The following CSMD1 variants were observed in gnomAD, a reference collection of about 807,000 sequenced individuals.
CSMD1 encodes the protein CUB and Sushi multiple domains 1.
A neutral mutation model predicts 417.5 loss-of-function variants in CSMD1; 213 were observed. The observed-to-expected ratio is 0.51, with a 90% confidence interval of 0.46 to 0.57. CSMD1 has a LOEUF of 0.57. CSMD1 is among the 20% of genes least tolerant of loss of function. CSMD1 has a pLI of 0.00. For missense variants in CSMD1, 6,923 were observed against 4,529.7 expected (o/e 1.53, Z -15.17); for synonymous variants, 2,862 against 1,736.8 (o/e 1.65, Z -16.11).
chr8:3,314,128 G>A (rs942225295), intron 23 of CSMD1, among the ~76,000 whole-genome samples: 6 of 151,930 alleles, frequency 3.9e-5, no homozygotes, highest in African/African-American at 1.5e-4. Context: ...TGTGGGGTGG[G>A]GGGAGTGGGG....
intron 5 of CSMD1, among the ~76,000 whole-genome samples, chr8:3,995,915 G>C (rs1204666682): frequency 3.9e-5 from 6 of 152,160 alleles, no homozygotes; most frequent in Non-Finnish European, 8.8e-5. Context: ...CAAATACAGA[G>C]AGAGATTCCA....
intron 1 of CSMD1, among the ~76,000 whole-genome samples, chr8:4,655,808 C>T (rs1287177744): frequency 6.6e-6 from 1 of 152,080 alleles, no homozygotes; most frequent in African/African-American, 2.4e-5. Context: ...CAAAGACCTC[C>T]AACAACAAAA....
At chr8:3,713,007 C>T (rs1239950305) in intron 6 of CSMD1, among the ~76,000 whole-genome samples, 2 of 151,802 alleles carry the variant, frequency 1.3e-5, no homozygotes, top group East Asian at 1.9e-4. Context: ...TTTCTCATCG[C>T]AAACCAAGAA....
chr8:3,786,503 G>C (rs1415630080), intron 5 of CSMD1, among the ~76,000 whole-genome samples: 1 of 152,170 alleles, frequency 6.6e-6, no homozygotes, highest in African/African-American at 2.4e-5. Flanking sequence ...AGACAACCTA[G>C]GAGTGGGTGA....
At chr8:4,120,531 C>CTATA (rs376973573) in intron 3 of CSMD1, among the ~76,000 whole-genome samples, 192 of 152,294 alleles carry the variant, frequency 1.3e-3, no homozygotes, top group African/African-American at 4.5e-3. Flanking sequence ...TATTTGGCAT[C>CTATA]TTCTGGCGAT....
chr8:4,320,222 A>C (rs1313301517), intron 3 of CSMD1, among the ~76,000 whole-genome samples: 1 of 152,328 alleles, frequency 6.6e-6, no homozygotes, highest in African/African-American at 2.4e-5. Flanking sequence ...CATCTAAGCA[A>C]AAATTACCAG....
intron 1 of CSMD1, among the ~76,000 whole-genome samples, chr8:4,882,592 A>G (rs1285127250): frequency 1.4e-4 from 21 of 151,930 alleles, no homozygotes; most frequent in Non-Finnish European, 2.9e-5. Context: ...AACCCCAAGC[A>G]TAGAGAAAGA....
chr8:3,274,030 T>A (rs1213555131), intron 26 of CSMD1, among the ~76,000 whole-genome samples: 2 of 151,790 alleles, frequency 1.3e-5, no homozygotes, highest in African/African-American at 4.8e-5. Flanking sequence ...AGGGTGTCAA[T>A]TTTGGATCTT....
intron 25 of CSMD1, among the ~76,000 whole-genome samples, chr8:3,285,856 AAATTTT>A (rs1803113587): frequency 6.6e-6 from 1 of 151,642 alleles, no homozygotes; most frequent in African/African-American, 2.4e-5. Flanking sequence ...ATTATACTTT[AAATTTT>A]AAGGTAAATG....
chr8:4,505,305 G>T (rs1377126787), intron 2 of CSMD1, among the ~76,000 whole-genome samples: 1 of 152,028 alleles, frequency 6.6e-6, no homozygotes, highest in Non-Finnish European at 1.5e-5. Flanking sequence ...CACCAACGAG[G>T]TAAAAGAGAA....
At chr8:3,858,423 G>C (rs1486519718) in intron 5 of CSMD1, among the ~76,000 whole-genome samples, 1 of 152,070 alleles carries the variant, frequency 6.6e-6, no homozygotes, top group African/African-American at 2.4e-5. Context: ...TTTTAAATCA[G>C]TTTTTAATCT....
At chr8:3,954,947 T>A (rs942345041) in intron 5 of CSMD1, among the ~76,000 whole-genome samples, 58 of 152,332 alleles carry the variant, frequency 3.8e-4, no homozygotes, top group African/African-American at 1.3e-3. Context: ...CAGAAAGTTG[T>A]TTCTCCCTGG....
intron 2 of CSMD1, among the ~76,000 whole-genome samples, chr8:4,594,395 T>A (rs770728740): frequency 1.1e-4 from 16 of 151,872 alleles, no homozygotes; most frequent in Non-Finnish European, 2.2e-4. Flanking sequence ...AGACAGGATT[T>A]CACCATGTTG....
At chr8:3,857,649 G>A (rs1563150474) in intron 5 of CSMD1, among the ~76,000 whole-genome samples, 1 of 152,112 alleles carries the variant, frequency 6.6e-6, no homozygotes, top group Non-Finnish European at 1.5e-5. Flanking sequence ...GGACACAGAT[G>A]GTCCGAATGA....
At chr8:4,036,950 G>C (rs891198458) in intron 3 of CSMD1, among the ~76,000 whole-genome samples, 8 of 129,076 alleles carry the variant, frequency 6.2e-5, no homozygotes, top group South Asian at 2.8e-4. Context: ...GTATGGGTGA[G>C]TGTGGGGTGT....
chr8:4,173,278 G>T (rs1797865640), intron 3 of CSMD1, among the ~76,000 whole-genome samples: 1 of 152,118 alleles, frequency 6.6e-6, no homozygotes, highest in African/African-American at 2.4e-5. Flanking sequence ...TTTTAAAAAT[G>T]TTCTTTGTCT....
chr8:4,202,684 G>C (rs73658472), intron 3 of CSMD1, among the ~76,000 whole-genome samples: 4,103 of 152,246 alleles, frequency 0.027, 202 homozygotes, highest in African/African-American at 0.094. Flanking sequence ...AACTTTCAGT[G>C]AAAGAGGGAG....
At chr8:4,532,540 G>A (rs1466273005) in intron 2 of CSMD1, among the ~76,000 whole-genome samples, 7 of 47,720 alleles carry the variant, frequency 1.5e-4, no homozygotes, top group South Asian at 7.6e-4. Flanking sequence ...ATCCTGCACC[G>A]CCATTCAGAG....
At chr8:3,502,307 G>A (rs780531653) in intron 10 of CSMD1, among the ~76,000 whole-genome samples, 4 of 147,492 alleles carry the variant, frequency 2.7e-5, no homozygotes, top group Non-Finnish European at 5.9e-5. Context: ...GGAGCTTGCA[G>A]TGAGCTGAGA....
Sources: allele counts gnomAD v4.1 joint callset (sites outside exome capture counted in the v4.1 genomes callset), GRCh38; gene constraint gnomAD v4.1.1; transcripts MANE v1.5; gene names NCBI Gene and HGNC (gene_info 2026-07-23, HGNC 2026-07-21).